Variants in NCAM2 observed in about 807,000 individuals in gnomAD.
The protein encoded by NCAM2 is neural cell adhesion molecule 2, also known as N-CAM-2.
In NCAM2, 30 loss-of-function variants were observed where a neutral mutation model predicts 98.1. The observed-to-expected ratio is 0.31, with a 90% CI of 0.23 to 0.41. NCAM2 has a LOEUF of 0.41. Ranked by LOEUF, NCAM2 falls within the 10% of genes least tolerant of loss-of-function variation. The pLI, the probability that NCAM2 is intolerant of heterozygous loss-of-function variation, is 1.00. For missense variants in NCAM2, 867 were observed against 1,005.8 expected (o/e 0.86, Z 1.87); for synonymous variants, 368 against 342.4 (o/e 1.07, Z -0.83).
At chr21:21,003,891 A>G (rs2064065230) in intron 1 of NCAM2, among the ~76,000 whole-genome samples, 1 of 152,162 alleles carries the variant, frequency 6.6e-6, no homozygotes, top group Non-Finnish European at 1.5e-5. Flanking sequence ...TTATTGTCCT[A>G]GTGATGCAAC....
At chr21:21,247,148 TC>T (rs768036961) in intron 1 of NCAM2, among the ~76,000 whole-genome samples, 75 of 151,822 alleles carry the variant, frequency 4.9e-4, no homozygotes, top group Non-Finnish European at 8.2e-4. Flanking sequence ...TGAAACCCCG[TC>T]TCTACTAAAA....
intron 16 of NCAM2, among the ~76,000 whole-genome samples, chr21:21,528,668 A>G (rs1312851824): frequency 1.3e-5 from 2 of 152,200 alleles, no homozygotes; most frequent in African/African-American, 2.4e-5. Flanking sequence ...TCAAAAGACT[A>G]AAAGAAAAAG....
chr21:21,191,664 C>A (rs1323635198), intron 1 of NCAM2, among the ~76,000 whole-genome samples: 1 of 152,140 alleles, frequency 6.6e-6, no homozygotes, highest in Non-Finnish European at 1.5e-5. Flanking sequence ...AACATATTGG[C>A]ACTATTTGTT....
chr21:21,182,826 C>A (rs1025196899), intron 1 of NCAM2, among the ~76,000 whole-genome samples: 1 of 152,096 alleles, frequency 6.6e-6, no homozygotes, highest in Non-Finnish European at 1.5e-5. Context: ...CAGCATTGTT[C>A]CTACTAAGAT....
At chr21:21,396,960 G>A (rs566957694) in intron 9 of NCAM2, among the ~76,000 whole-genome samples, 33 of 152,248 alleles carry the variant, frequency 2.2e-4, no homozygotes, top group South Asian at 6.2e-4. Context: ...TTTCAGTCCC[G>A]CCATTCTGCA....
chr21:21,376,506 A>G (rs2076035251), intron 9 of NCAM2, among the ~76,000 whole-genome samples: 1 of 151,848 alleles, frequency 6.6e-6, no homozygotes, highest in African/African-American at 2.4e-5. Flanking sequence ...AAAATATCAA[A>G]TTAATGTAAA....
At chr21:21,299,855 G>A (rs1411372136) in intron 5 of NCAM2, among the ~76,000 whole-genome samples, 1 of 151,808 alleles carries the variant, frequency 6.6e-6, no homozygotes, top group Admixed American at 6.6e-5. Context: ...CAACATCCAT[G>A]GGATACCAAA....
At chr21:21,275,765 T>C (rs546793691) in intron 1 of NCAM2, among the ~76,000 whole-genome samples, 4 of 152,320 alleles carry the variant, frequency 2.6e-5, no homozygotes, top group South Asian at 2.1e-4. Flanking sequence ...GGTAAACTTA[T>C]ATATTTATCA....
At chr21:21,098,943 G>A (rs1031287330) in intron 1 of NCAM2, among the ~76,000 whole-genome samples, 2 of 151,774 alleles carry the variant, frequency 1.3e-5, no homozygotes, top group African/African-American at 4.8e-5. Context: ...CGATGAGATT[G>A]GGATGAGTTT....
At chr21:21,024,261 C>T (rs2064495774) in intron 1 of NCAM2, among the ~76,000 whole-genome samples, 1 of 152,214 alleles carries the variant, frequency 6.6e-6, no homozygotes, top group South Asian at 2.1e-4. Flanking sequence ...CTGACACCTA[C>T]AGGATATCAG....
chr21:21,310,785 GT>G (rs1190097826), intron 5 of NCAM2, among the ~76,000 whole-genome samples: 1 of 152,070 alleles, frequency 6.6e-6, no homozygotes, highest in Admixed American at 6.6e-5. Context: ...ATACAGAATT[GT>G]TCTTTCACCC....
intron 1 of NCAM2, among the ~76,000 whole-genome samples, chr21:21,181,021 T>G (rs1018386180): frequency 2.0e-5 from 3 of 152,138 alleles, no homozygotes; most frequent in Non-Finnish European, 4.4e-5. Flanking sequence ...CATGAGTACT[T>G]TACCTTCAAT....
intron 9 of NCAM2, among the ~76,000 whole-genome samples, chr21:21,406,015 C>T (rs928561887): frequency 2.0e-5 from 3 of 152,154 alleles, no homozygotes; most frequent in East Asian, 3.9e-4. Flanking sequence ...TCACATCTGT[C>T]TCTCTCATTC....
intron 8 of NCAM2, among the ~76,000 whole-genome samples, chr21:21,355,327 C>G (rs1036813009): frequency 6.7e-6 from 1 of 150,086 alleles, no homozygotes; most frequent in Non-Finnish European, 1.5e-5. Context: ...TCCAGCTACT[C>G]GGGACGGGGC....
At chr21:21,282,079 A>C (rs2072949109) in intron 2 of NCAM2, among the ~76,000 whole-genome samples, 1 of 151,892 alleles carries the variant, frequency 6.6e-6, no homozygotes, top group South Asian at 2.1e-4. Flanking sequence ...TGTGGAAGAG[A>C]TTGATTCAGC....
At chr21:21,299,960 T>C (rs1270934632) in intron 5 of NCAM2, among the ~76,000 whole-genome samples, 1 of 152,006 alleles carries the variant, frequency 6.6e-6, no homozygotes, top group Admixed American at 6.6e-5. Flanking sequence ...AGCTCTAGAT[T>C]AGTTATAATA....
At chr21:21,472,810 A>G (rs1232331014) in intron 14 of NCAM2, among the ~76,000 whole-genome samples, 1 of 151,896 alleles carries the variant, frequency 6.6e-6, no homozygotes, top group Non-Finnish European at 1.5e-5. Context: ...GCAACAGATT[A>G]TGTAGGGCCT....
At chr21:21,210,156 A>G (rs911484714) in intron 1 of NCAM2, among the ~76,000 whole-genome samples, 3 of 152,238 alleles carry the variant, frequency 2.0e-5, no homozygotes, top group Non-Finnish European at 2.9e-5. Context: ...GTTATCTCTA[A>G]TCAAATACAT....
chr21:21,349,579 GCA>G (rs2075280180), intron 8 of NCAM2, among the ~76,000 whole-genome samples: 1 of 152,102 alleles, frequency 6.6e-6, no homozygotes, highest in African/African-American at 2.4e-5. Flanking sequence ...CCACTCCTGG[GCA>G]TATACCCAAA....
Sources: allele counts gnomAD v4.1 joint callset (sites outside exome capture counted in the v4.1 genomes callset), GRCh38; gene constraint gnomAD v4.1.1; transcripts MANE v1.5; gene names NCBI Gene and HGNC (gene_info 2026-07-23, HGNC 2026-07-21).